The following RALGPS2 variants were observed in gnomAD, a reference collection of about 807,000 sequenced individuals.
The protein encoded by RALGPS2 is ras-specific guanine nucleotide-releasing factor RalGPS2.
A neutral mutation model predicts 86.8 loss-of-function variants in RALGPS2; 43 were observed. The observed-to-expected ratio is 0.50, with a 90% confidence interval of 0.39 to 0.64. The LOEUF is 0.64. Among genes scored for constraint, RALGPS2 ranks in the 30% least tolerant of loss-of-function variants. The pLI, the probability that RALGPS2 is intolerant of heterozygous loss-of-function variation, is 0.00. For synonymous variants in RALGPS2, 243 were observed against 231.3 expected, an observed-to-expected ratio of 1.05 and a Z score of -0.46; for missense variants, 536 against 694.6, an observed-to-expected ratio of 0.77 and a Z score of 2.57.
rs909765887 is a variant in RALGPS2 at position 178,731,206 on chromosome 1, T to C, written c.-84+5787T>C. On this transcript the variant is annotated intron_variant, in intron 1 of 19. Transcript: ENST00000367635. Reference sequence around the variant, plus strand: ...TGGTTGATAATATGGCAGGGATAGGTATAGAATTCCAAGGTAAAAATCATC... The same window carrying C: ...TGGTTGATAATATGGCAGGGATAGGCATAGAATTCCAAGGTAAAAATCATC... Among the ~76,000 whole-genome samples the C allele has an allele frequency of 2.0e-5, 3 of 151,326 alleles. No homozygotes were observed. The South Asian group carries it at 6.2e-4, about 31-fold the overall frequency.
intron 6 of RALGPS2, among the ~76,000 whole-genome samples, chr1:178,818,500 A>G (rs986793107): frequency 7.9e-5 from 12 of 152,216 alleles, no homozygotes; most frequent in Admixed American, 2.6e-4. Flanking sequence ...TTTGTATGGT[A>G]CAGGCCCCTT....
At chr1:178,877,723 G>T (rs1306791282) in intron 9 of RALGPS2, 88 bp downstream of exon 9, 8 of 1,446,642 alleles carry the variant, frequency 5.5e-6, no homozygotes, top group Admixed American at 2.1e-5. Context: ...TTTTCACACA[G>T]CAGGGGACAT....
intron 7 of RALGPS2, among the ~76,000 whole-genome samples, chr1:178,830,590 A>G (rs1655970163): frequency 6.6e-6 from 1 of 152,242 alleles, no homozygotes; most frequent in Non-Finnish European, 1.5e-5. Flanking sequence ...AGATGACTCA[A>G]GGGCTTAAAT....
At chr1:178,735,598 ATTCTTTTTTTTTT>A (rs1650641980) in intron 1 of RALGPS2, among the ~76,000 whole-genome samples, 1 of 57,456 alleles carries the variant, frequency 1.7e-5, no homozygotes, top group East Asian at 4.2e-4. Flanking sequence ...TAATTTTTGT[ATTCTTTTTTTTTT>A]TTTTTTTTTT....
intron 4 of RALGPS2, among the ~76,000 whole-genome samples, chr1:178,793,654 T>C (rs1478625414): frequency 6.6e-6 from 1 of 152,164 alleles, no homozygotes; most frequent in African/African-American, 2.4e-5. Context: ...GGAATCTTTG[T>C]TCCATTCACT....
intron 1 of RALGPS2, among the ~76,000 whole-genome samples, chr1:178,764,992 GCTCT>G (rs1359679174): frequency 6.6e-6 from 1 of 151,932 alleles, no homozygotes; most frequent in Non-Finnish European, 1.5e-5. Context: ...CCCACTTTGT[GCTCT>G]CTCTCTCCTG....
intron 6 of RALGPS2, among the ~76,000 whole-genome samples, chr1:178,817,203 G>A (rs1655272738): frequency 6.6e-6 from 1 of 151,720 alleles, no homozygotes; most frequent in South Asian, 2.1e-4. Context: ...AAAATAACTA[G>A]GTGTGTTGGC....
intron 1 of RALGPS2, among the ~76,000 whole-genome samples, chr1:178,776,024 T>C (rs1162038611): frequency 2.6e-5 from 4 of 151,664 alleles, no homozygotes; most frequent in Non-Finnish European, 5.9e-5. Context: ...TTACGTAGCA[T>C]TGGCACTGTA....
At chr1:178,846,600 C>G (rs1656877508) in intron 8 of RALGPS2, among the ~76,000 whole-genome samples, 1 of 152,096 alleles carries the variant, frequency 6.6e-6, no homozygotes. Context: ...AGACCAAAGA[C>G]TTCTGAAATA....
rs761548068 is a variant in RALGPS2 at position 178,725,264 on chromosome 1, A to AGCG, written c.-221_-219dup. ...AGCTCACTCTCCTCCCCCGAGCGGC[A>AGCG]GCGGCGGCGGCGGCGGCGGCTGCTG... On this transcript the variant is annotated 5_prime_UTR_variant, in exon 1 of 20. Coordinates refer to ENST00000367635, the MANE Select transcript of RALGPS2 (RefSeq NM_152663.5). 0.05 allele frequency: 1,854 copies of AGCG among 37,298 alleles called. 55 individuals are homozygous for AGCG. Among genetic ancestry groups the AGCG allele is most frequent in the African/African-American group, 0.14 (1,644 of 12,126 alleles). 2.3% of individuals were successfully genotyped at this position (37,298 alleles called of 1,614,324 possible). A position where few individuals can be genotyped will look rare whatever the true frequency, so the allele number is the denominator to read the frequency against.
intron 8 of RALGPS2, chr1:178,853,271 A>G (rs1254892676): frequency 1.1e-6 from 1 of 943,784 alleles, no homozygotes; most frequent in Non-Finnish European, 1.3e-6. Context: ...CCAGATCCTT[A>G]AAAAGGGTTC....
intron 4 of RALGPS2, 48 bp from the exon 5 acceptor site, chr1:178,807,997 A>G: frequency 8.1e-7 from 1 of 1,238,570 alleles, no homozygotes; most frequent in East Asian, 2.3e-5. Context: ...ATCTGGCAGA[A>G]AAAAACTAGG....
rs140643681 is a variant in RALGPS2, at chr1:178,799,361, G to A, written c.214-8684G>A. ...ACAAGTTTTTAATACAGATGAAAGT[G>A]TCCTACTCTGGAAAAAAAAAATGCC... On this transcript the variant is annotated intron_variant, in intron 4 of 19. Coordinates refer to ENST00000367635, the MANE Select transcript of RALGPS2 (RefSeq NM_152663.5). Among the ~76,000 whole-genome samples, 36 of 151,534 alleles carry A rather than the reference G, an allele frequency of 2.4e-4. 1 individual carries two copies. In the East Asian group the frequency reaches 6.4e-3, roughly 27 times the overall value.
chr1:178,865,762 G>C (rs763199904), intron 8 of RALGPS2: 11 of 1,582,076 alleles, frequency 7.0e-6, no homozygotes, highest in Non-Finnish European at 9.4e-6. Flanking sequence ...CTAGGGTCCA[G>C]GTAAAAGTCT....
intron 6 of RALGPS2, among the ~76,000 whole-genome samples, chr1:178,813,377 CA>C (rs1229212701): frequency 6.6e-6 from 1 of 152,198 alleles, no homozygotes; most frequent in Non-Finnish European, 1.5e-5. Context: ...CTGTCTTCAT[CA>C]AACAATCATT....
chr1:178,787,194 G>A (rs796105942), intron 4 of RALGPS2, among the ~76,000 whole-genome samples: 1 of 151,532 alleles, frequency 6.6e-6, no homozygotes, highest in Non-Finnish European at 1.5e-5. Context: ...TGCAAATTAC[G>A]TTTTTGACCT....
intron 8 of RALGPS2, among the ~76,000 whole-genome samples, chr1:178,867,879 T>C (rs969618947): frequency 3.3e-5 from 5 of 152,236 alleles, no homozygotes; most frequent in Admixed American, 1.3e-4. Flanking sequence ...TGAAGACTAC[T>C]GCTACTTTCA....
chr1:178,772,948 C>T (rs1285060967), intron 1 of RALGPS2, among the ~76,000 whole-genome samples: 1 of 152,078 alleles, frequency 6.6e-6, no homozygotes, highest in Non-Finnish European at 1.5e-5. Context: ...ATTACAGGCA[C>T]GTGCCACCAC....
intron 8 of RALGPS2, 149 bp from the exon 9 acceptor site, chr1:178,877,349 T>G: frequency 1.6e-6 from 2 of 1,239,776 alleles, no homozygotes; most frequent in Non-Finnish European, 2.2e-6. Context: ...TAACCATATG[T>G]TACCCAGGCT....
Sources: gnomAD v4.1 joint callset for allele counts (sites outside exome capture counted in the v4.1 genomes callset) on GRCh38, gnomAD v4.1.1 for gene constraint, MANE v1.5 for transcripts, NCBI Gene and HGNC (gene_info 2026-07-23, HGNC 2026-07-21) for gene names.